Variants in AFAP1L2 observed in about 807,000 individuals in gnomAD.
AFAP1L2 encodes the protein actin filament associated protein 1 like 2, also known as actin filament-associated protein 1-like 2.
A neutral mutation model predicts 99.3 loss-of-function variants in AFAP1L2; 46 were observed. The observed-to-expected ratio is 0.46, with a 90% CI of 0.37 to 0.59. The LOEUF (loss-of-function observed/expected upper bound fraction) is 0.59. AFAP1L2 is among the 20% of genes least tolerant of loss of function. The pLI, the probability that AFAP1L2 is intolerant of heterozygous loss-of-function variation, is 0.00. For missense variants in AFAP1L2, 959 were observed against 1,034.9 expected (o/e 0.93, Z 1.01); for synonymous variants, 397 against 419.1 (o/e 0.95, Z 0.64).
At position 114,301,458 on chromosome 10, in the gene AFAP1L2, G is replaced by GCAT; in HGVS notation, c.1435_1437dup (p.Met479dup). 6.2e-7 allele frequency: 1 copy of GCAT among 1,612,658 alleles called. No individual in the cohort carries two copies. Among genetic ancestry groups the GCAT allele is most frequent in the Non-Finnish European group, 8.5e-7 (1 of 1,178,592 alleles). Reference sequence around the variant, plus strand: ...GTGTTGGGCTCTGAGAACTTTCTCTGCATCAGTCTGGAAACAGGGCGAGGT... The same window carrying GCAT: ...GTGTTGGGCTCTGAGAACTTTCTCTGCATCATCAGTCTGGAAACAGGGCGAGGT... On this transcript the variant is annotated inframe_insertion, in exon 13 of 19. Coordinates refer to ENST00000304129, the MANE Select transcript of AFAP1L2 (RefSeq NM_001001936.3).
intron 10 of AFAP1L2, chr10:114,305,224 G>C (rs901755855): frequency 4.4e-5 from 12 of 273,118 alleles, no homozygotes; most frequent in Non-Finnish European, 7.6e-5. Flanking sequence ...AGGGCATGCA[G>C]ATAAAGGAGG....
chr10:114,302,817 G>A (rs533697754), intron 11 of AFAP1L2, among the ~76,000 whole-genome samples: 1 of 152,224 alleles, frequency 6.6e-6, no homozygotes, highest in Non-Finnish European at 1.5e-5. Flanking sequence ...GTGACCACCT[G>A]TTAATTAATA....
At position 114,390,926 on chromosome 10, in the gene AFAP1L2, T is replaced by A. The variant is rs887083329; in HGVS notation, c.16+13514A>T. On this transcript the variant is annotated intron_variant, in intron 1 of 18. Coordinates refer to ENST00000304129, the MANE Select transcript of AFAP1L2 (RefSeq NM_001001936.3). ...AAAGAAGCCCAGGCATTTCTTCAGA[T>A]ACTTGTCAGCCTTTTGGCAGCTTCC... 2.0e-5 allele frequency among the ~76,000 whole-genome samples: 3 copies of A among 152,206 alleles called. No individual in the cohort carries two copies. The South Asian group carries it at 6.2e-4, about 31-fold the overall frequency.
intron 2 of AFAP1L2, among the ~76,000 whole-genome samples, chr10:114,337,969 A>G (rs1479031832): frequency 6.6e-6 from 1 of 152,166 alleles, no homozygotes; most frequent in African/African-American, 2.4e-5. Context: ...GCTGTTGACC[A>G]GCACTCCCGG....
At position 114,308,430 on chromosome 10, in the gene AFAP1L2, T is replaced by C; in HGVS notation, c.967+3A>G. ...CATTCCCCTCCCAACCACATGATGT[T>C]ACCGTCTTTGGTTTCTGGGACCTCA... On this transcript the variant is annotated splice_donor_region_variant and intron_variant, in intron 9 of 18. Transcript: ENST00000304129. 6.2e-7 allele frequency: 1 copy of C among 1,613,382 alleles called. No homozygotes were observed. The highest frequency in any genetic ancestry group is 1.3e-5 in the African/African-American group (1 of 75,022).
At position 114,302,414 on chromosome 10, in the gene AFAP1L2, G is replaced by A. The variant is rs574153491; in HGVS notation, c.1355C>T (p.Pro452Leu). ...CACATAGTCGTAGGTGAACTCTTCT[G>A]GGTCTGTCTTGGAGCCTGACTCAGA... is the stretch of plus-strand genomic sequence containing the variant. ...LLSESGSKTD[P>L]EEFTYDYVDA... Residue 452 changes from proline (P) to leucine (L), a missense_variant, in exon 12 of 19, where the codon CCA becomes CTA. Transcript: ENST00000304129. The A allele has an allele frequency of 9.1e-5, 147 of 1,614,058 alleles. 1 individual carries two copies. The South Asian group carries it at 1.6e-3, about 18-fold the overall frequency.
chr10:114,334,421 C>A (rs141865124), intron 2 of AFAP1L2, among the ~76,000 whole-genome samples: 1 of 152,284 alleles, frequency 6.6e-6, no homozygotes, highest in East Asian at 1.9e-4. Context: ...GGTTAGAGAC[C>A]GCGTTACTGA....
At chr10:114,358,507 C>T (rs544076407) in intron 1 of AFAP1L2, among the ~76,000 whole-genome samples, 3 of 152,192 alleles carry the variant, frequency 2.0e-5, no homozygotes. Flanking sequence ...ATTCAAATCA[C>T]TCTAACTCCT....
At chr10:114,305,424 TGC>T (rs2042058304) in intron 10 of AFAP1L2, among the ~76,000 whole-genome samples, 1 of 100,096 alleles carries the variant, frequency 1.0e-5, no homozygotes, top group East Asian at 3.5e-4. Flanking sequence ...GAGATGCAGA[TGC>T]AGGAGGGGAC....
At chr10:114,325,738 C>A in intron 4 of AFAP1L2, 1 of 787,738 alleles carries the variant, frequency 1.3e-6, no homozygotes, top group Non-Finnish European at 1.7e-6. Context: ...CAGCCCCAGC[C>A]TGGTACAAGA....
intron 1 of AFAP1L2, among the ~76,000 whole-genome samples, chr10:114,348,949 T>C (rs971247107): frequency 6.6e-6 from 1 of 152,228 alleles, no homozygotes; most frequent in Non-Finnish European, 1.5e-5. Flanking sequence ...ATGCAAACTT[T>C]CAAAGTGCTC....
At chr10:114,298,864 T>G (rs2040666399) in intron 16 of AFAP1L2, among the ~76,000 whole-genome samples, 1 of 152,166 alleles carries the variant, frequency 6.6e-6, no homozygotes, top group African/African-American at 2.4e-5. Context: ...GTGTAGTTAA[T>G]GCATGAAGGA....
At chr10:114,352,901 T>G (rs1564956433) in intron 1 of AFAP1L2, among the ~76,000 whole-genome samples, 1 of 152,258 alleles carries the variant, frequency 6.6e-6, no homozygotes, top group Non-Finnish European at 1.5e-5. Flanking sequence ...TCCATGACTG[T>G]GTACAGTGGA....
chr10:114,324,404 C>A lies in AFAP1L2; in HGVS notation c.316-1143G>T, dbSNP rs113149980. Among the ~76,000 whole-genome samples the A allele has an allele frequency of 6.8e-4, 96 of 141,640 alleles. 1 individual carries two copies. The highest frequency in any genetic ancestry group is 2.2e-3 in the African/African-American group (83 of 37,274). The allele number at this position is 141,640 out of a possible 152,430, so 92.9% of individuals were successfully genotyped here. On this transcript the variant is annotated intron_variant, in intron 4 of 18. Coordinates refer to ENST00000304129, the MANE Select transcript of AFAP1L2 (RefSeq NM_001001936.3). ...GATTACAGGGGTGCACCACCCCCCC[C>A]CCCCCCCCGGCTAATTTTTGTATTT...
intron 4 of AFAP1L2, among the ~76,000 whole-genome samples, chr10:114,323,526 C>A (rs368314052): frequency 7.2e-5 from 11 of 152,286 alleles, no homozygotes; most frequent in African/African-American, 2.6e-4. Flanking sequence ...GAGGCTCAAG[C>A]CCCCTACCAC....
At chr10:114,381,547 G>A (rs899540096) in intron 1 of AFAP1L2, among the ~76,000 whole-genome samples, 4 of 152,160 alleles carry the variant, frequency 2.6e-5, no homozygotes, top group African/African-American at 9.7e-5. Context: ...TGTATGGTAT[G>A]TGAATAATAC....
chr10:114,331,914 G>A lies in AFAP1L2; in HGVS notation c.221-17C>T. 1 of 1,288,890 alleles carries A rather than the reference G, an allele frequency of 7.8e-7. No homozygotes were observed. The highest frequency in any genetic ancestry group is 9.9e-7 in the Non-Finnish European group (1 of 1,008,928). The allele number at this position is 1,288,890 out of a possible 1,614,324, so 79.8% of individuals were successfully genotyped here. Reference sequence around the variant, plus strand: ...CCTCAGGCGCTGCGGGCAGCAAAAGGAAAAGGCTTCGGTGAGGGGTGACCA... The same window carrying A: ...CCTCAGGCGCTGCGGGCAGCAAAAGAAAAAGGCTTCGGTGAGGGGTGACCA... On this transcript the variant is annotated splice_polypyrimidine_tract_variant and intron_variant, in intron 3 of 18. Transcript: ENST00000304129.
intron 1 of AFAP1L2, among the ~76,000 whole-genome samples, chr10:114,400,504 C>T (rs1267868320): frequency 6.6e-6 from 1 of 152,194 alleles, no homozygotes; most frequent in Non-Finnish European, 1.5e-5. Flanking sequence ...TTTTAAGCAA[C>T]GTTCCCATAG....
intron 16 of AFAP1L2, 23 bp from the exon 17 acceptor site, chr10:114,297,436 G>C: frequency 1.2e-6 from 2 of 1,607,190 alleles, no homozygotes; most frequent in African/African-American, 2.7e-5. Flanking sequence ...TTATGCAGGT[G>C]TCAGAGAACA....
Sources: gnomAD v4.1 joint callset for allele counts (sites outside exome capture counted in the v4.1 genomes callset) on GRCh38, gnomAD v4.1.1 for gene constraint, MANE v1.5 for transcripts, NCBI Gene and HGNC (gene_info 2026-07-23, HGNC 2026-07-21) for gene names.